The following UBASH3B variants were observed in gnomAD, a reference collection of about 807,000 sequenced individuals.
UBASH3B encodes the protein ubiquitin associated and SH3 domain containing B.
UBASH3B carries 37 observed loss-of-function variants against 83.4 expected under a neutral mutation model. The observed-to-expected ratio is 0.44, with a 90% confidence interval of 0.34 to 0.58. The LOEUF (loss-of-function observed/expected upper bound fraction) is 0.58, where lower values mean the gene tolerates loss of function less well. Among genes scored for constraint, UBASH3B ranks in the 20% least tolerant of loss-of-function variants. The probability of loss-of-function intolerance (pLI) is 0.01; values close to 1 mark genes in which losing one functional copy is unlikely to be tolerated. For synonymous variants in UBASH3B, 304 were observed against 318.3 expected (o/e 0.96, Z 0.48); for missense variants, 657 against 827.2 (o/e 0.79, Z 2.52).
At chr11:122,669,627 G>A (rs1332494604) in intron 1 of UBASH3B, among the ~76,000 whole-genome samples, 2 of 152,098 alleles carry the variant, frequency 1.3e-5, no homozygotes, top group Non-Finnish European at 2.9e-5. Flanking sequence ...TTACTAACTT[G>A]TCACCCTTAC....
At chr11:122,779,732 T>C (rs755894158) in intron 4 of UBASH3B, 37 bp downstream of exon 4, 5 of 1,611,574 alleles carry the variant, frequency 3.1e-6, no homozygotes. Flanking sequence ...CTGGGCCCTG[T>C]CAATCAAAGA....
At chr11:122,764,747 T>G (rs7120651) in intron 1 of UBASH3B, among the ~76,000 whole-genome samples, 147,062 of 152,304 alleles carry the variant, frequency 0.97, 71,257 homozygotes, top group Middle Eastern at 1. Flanking sequence ...AGGGAATTAG[T>G]TTGGTTACTC....
intron 9 of UBASH3B, among the ~76,000 whole-genome samples, chr11:122,797,675 T>C (rs1861179655): frequency 6.6e-6 from 1 of 152,182 alleles, no homozygotes; most frequent in African/African-American, 2.4e-5. Flanking sequence ...CATAGAGCTA[T>C]GCATGGTCAC....
Position 122,796,274 on chromosome 11 carries a change from A to C in UBASH3B, c.1232A>C (p.Lys411Thr). Residue 411 changes from lysine to threonine, a missense_variant and splice_region_variant, in exon 8 of 14, where the codon AAA (lysine) becomes ACA (threonine). Around this residue, in one of 3 missense-constraint regions of UBASH3B, gnomAD observed 573 missense variants for 739.0 expected, o/e 0.78. Coordinates refer to ENST00000284273, the MANE Select transcript of UBASH3B (RefSeq NM_032873.5). ...KYWLSQCFDA[K>T]GRYIRTNLNM... ...TGGCTGTCCCAGTGCTTCGATGCCA[A>C]AGGTGAGTTGGTGGTGGGCCTGCTC... is the stretch of plus-strand genomic sequence containing the variant. The C allele has an allele frequency of 6.2e-7, 1 of 1,614,012 alleles. No individual in the cohort carries two copies. Among genetic ancestry groups the C allele is most frequent in the South Asian group, 1.1e-5 (1 of 91,072 alleles).
chr11:122,702,487 G>A (rs755081245), intron 1 of UBASH3B, among the ~76,000 whole-genome samples: 1 of 151,504 alleles, frequency 6.6e-6, no homozygotes, highest in Non-Finnish European at 1.5e-5. Context: ...GAGTTTTGGG[G>A]AACAGATAAA....
At chr11:122,696,393 C>A (rs1863966204) in intron 1 of UBASH3B, among the ~76,000 whole-genome samples, 1 of 147,448 alleles carries the variant, frequency 6.8e-6, no homozygotes, top group Non-Finnish European at 1.5e-5. Context: ...GGAGTGCAAC[C>A]TCTGCCTCCC....
At position 122,806,310 on chromosome 11, in the gene UBASH3B, G is replaced by A; in HGVS notation, c.1596-100G>A. On this transcript the variant is annotated intron_variant, in intron 11 of 13. Transcript: ENST00000284273. The surrounding 1 kb of genome is among the most constrained non-coding windows in gnomAD (Gnocchi z 4.0). ...AAATGGATAAACAAACAGATCTACG[G>A]GATCTTTAGAAATGCCTTGAAATAA... 2.0e-6 allele frequency: 2 copies of A among 1,001,130 alleles called. No individual in the cohort carries two copies. Among genetic ancestry groups the A allele is most frequent in the Admixed American group, 5.3e-5 (2 of 37,536 alleles). The allele number at this position is 1,001,130 out of a possible 1,614,324, so 62.0% of individuals were successfully genotyped here.
At chr11:122,797,392 T>G (rs1861175150) in intron 9 of UBASH3B, 1 of 173,202 alleles carries the variant, frequency 5.8e-6, no homozygotes, top group Non-Finnish European at 1.2e-5. Context: ...ACCCTGGACT[T>G]GCTGAATTTG....
intron 1 of UBASH3B, among the ~76,000 whole-genome samples, chr11:122,663,579 A>G (rs1863475622): frequency 6.6e-6 from 1 of 152,192 alleles, no homozygotes; most frequent in African/African-American, 2.4e-5. Context: ...AACCTAGGGA[A>G]TCCTGTGTCT....
intron 1 of UBASH3B, among the ~76,000 whole-genome samples, chr11:122,744,523 G>T (rs1408228789): frequency 6.6e-6 from 1 of 152,062 alleles, no homozygotes; most frequent in Non-Finnish European, 1.5e-5. Flanking sequence ...CTATGAGCTC[G>T]TGTTGTGACT....
At chr11:122,687,805 C>T (rs993371381) in intron 1 of UBASH3B, among the ~76,000 whole-genome samples, 7 of 152,078 alleles carry the variant, frequency 4.6e-5, no homozygotes, top group African/African-American at 1.7e-4. Flanking sequence ...CTGGTGCTCC[C>T]GTGTCTCCAA....
chr11:122,758,169 T>G lies in UBASH3B; in HGVS notation c.162-18050T>G, dbSNP rs941608902. On this transcript the variant is annotated intron_variant, in intron 1 of 13. Transcript: ENST00000284273. This position sits in a 1 kb window ranked among gnomAD's most constrained non-coding sequence, Gnocchi z 4.2. ...AGGAAGGCGAAGATGTGGCCGGGGG[T>G]GGGGCCGGTCTGGGGGGTATCGTAG... 4.0e-5 allele frequency among the ~76,000 whole-genome samples: 6 copies of G among 151,320 alleles called. No homozygotes were observed. The highest frequency in any genetic ancestry group is 7.4e-5 in the Non-Finnish European group (5 of 67,850).
At chr11:122,731,073 A>G (rs1388450308) in intron 1 of UBASH3B, among the ~76,000 whole-genome samples, 1 of 152,204 alleles carries the variant, frequency 6.6e-6, no homozygotes, top group African/African-American at 2.4e-5. Context: ...GGGATACTCA[A>G]GACTCCCAGT....
chr11:122,692,139 C>T (rs1351415241), intron 1 of UBASH3B, among the ~76,000 whole-genome samples: 2 of 152,134 alleles, frequency 1.3e-5, no homozygotes, highest in African/African-American at 2.4e-5. Context: ...ATAGAAGTAC[C>T]TACCTCACAA....
chr11:122,714,855 C>T (rs566850144), intron 1 of UBASH3B, among the ~76,000 whole-genome samples: 65 of 152,312 alleles, frequency 4.3e-4, no homozygotes, highest in Non-Finnish European at 7.8e-4. Context: ...AAGTATTTAC[C>T]TTCTCCTTCT....
At chr11:122,723,840 C>T (rs1304818845) in intron 1 of UBASH3B, among the ~76,000 whole-genome samples, 2 of 152,192 alleles carry the variant, frequency 1.3e-5, no homozygotes, top group African/African-American at 4.8e-5. Context: ...CAGGGTGGCC[C>T]TGGGGGTGGC....
chr11:122,754,974 G>C (rs545825385), intron 1 of UBASH3B, among the ~76,000 whole-genome samples: 1 of 152,298 alleles, frequency 6.6e-6, no homozygotes, highest in East Asian at 1.9e-4. Flanking sequence ...GAAGGCTCAC[G>C]TTGGAGCGGT....
At chr11:122,666,969 A>G (rs1214286117) in intron 1 of UBASH3B, among the ~76,000 whole-genome samples, 2 of 151,714 alleles carry the variant, frequency 1.3e-5, no homozygotes, top group Non-Finnish European at 2.9e-5. Context: ...TCACCTATGA[A>G]GATGCACAGT....
intron 1 of UBASH3B, among the ~76,000 whole-genome samples, chr11:122,666,541 C>G (rs975071598): frequency 1.3e-5 from 2 of 152,072 alleles, no homozygotes; most frequent in Admixed American, 1.3e-4. Flanking sequence ...GCCTCAGCCT[C>G]CTGAGTAGCT....
Sources: allele counts gnomAD v4.1 joint callset (sites outside exome capture counted in the v4.1 genomes callset), GRCh38; gene constraint gnomAD v4.1.1; regional missense constraint gnomAD v4.1.1; non-coding constraint Gnocchi (gnomAD v3.1); transcripts MANE v1.5; gene names NCBI Gene and HGNC (gene_info 2026-07-23, HGNC 2026-07-21).